Variants in STK33 observed in about 807,000 individuals in gnomAD.
STK33 encodes the protein serine/threonine-protein kinase 33.
Under a neutral mutation model 58.0 loss-of-function variants are expected in STK33, and 52 were observed. The ratio of observed to expected loss-of-function variants is 0.90; its 90% CI spans 0.72 to 1.13. The LOEUF is 1.13. Ranked by LOEUF, STK33 falls within the 50% of genes most tolerant of loss-of-function variation. STK33 has a pLI of 0.00. For missense variants in STK33, 630 were observed against 604.2 expected, an observed-to-expected ratio of 1.04 and a Z score of -0.45; for synonymous variants, 215 against 200.1, an observed-to-expected ratio of 1.07 and a Z score of -0.63.
chr11:8,475,072 G>C lies in STK33; in HGVS notation c.-161-6C>G, dbSNP rs972652855. 1.2e-5 allele frequency: 6 copies of C among 490,382 alleles called. No individual in the cohort carries two copies. The highest frequency in any genetic ancestry group is 1.0e-4 in the African/African-American group (5 of 49,848). The allele number at this position is 490,382 out of a possible 1,614,324, so 30.4% of individuals were successfully genotyped here. On this transcript the variant is annotated splice_polypyrimidine_tract_variant and splice_region_variant and intron_variant, in intron 4 of 15. Transcript: ENST00000687296. ...CACATATTCACACGTGAGAGCTGCA[G>C]AAAGAAAAGAAATAACCATTTAGAG...
At position 8,418,058 on chromosome 11, in the gene STK33, T is replaced by C. The variant is rs1375268585; in HGVS notation, c.1147-4366A>G. ...CAGGGACTATTTACAAAATAGTTTA[T>C]AGTTTGGGATATAATGCTGGCTTTT... On this transcript the variant is annotated intron_variant, in intron 14 of 15. Coordinates refer to ENST00000687296, the MANE Select transcript of STK33 (RefSeq NM_001352389.2). Among the ~76,000 whole-genome samples, 3 of 152,124 alleles carry C rather than the reference T, an allele frequency of 2.0e-5. No individual in the cohort carries two copies. In the East Asian group the frequency reaches 5.8e-4, roughly 29 times the overall value.
intron 14 of STK33, among the ~76,000 whole-genome samples, chr11:8,419,288 T>C (rs1042478991): frequency 6.6e-6 from 1 of 152,192 alleles, no homozygotes; most frequent in Non-Finnish European, 1.5e-5. Context: ...CCAGTTTTAA[T>C]CTTCTGCATA....
At chr11:8,454,601 GTGAAATTTTTA>G in intron 10 of STK33, 132 bp downstream of exon 10, 1 of 981,060 alleles carries the variant, frequency 1.0e-6, no homozygotes, top group Non-Finnish European at 1.4e-6. Flanking sequence ...ACAACCTCTT[GTGAAATTTTTA>G]TTTTTTAGCA....
At chr11:8,343,335 G>T in the STK33 span, among the ~76,000 whole-genome samples, 2 of 152,260 alleles carry the variant, frequency 1.3e-5, no homozygotes, top group Admixed American at 6.5e-5. Context: ...AGCACCGCTC[G>T]CTTTGTGAGG....
chr11:8,491,055 C>T (rs1023383984), intron 1 of STK33, among the ~76,000 whole-genome samples: 1 of 152,156 alleles, frequency 6.6e-6, no homozygotes, highest in Non-Finnish European at 1.5e-5. Context: ...ATTGCAGCTC[C>T]TCGCCAGTAA....
At chr11:8,376,897 A>G in the STK33 span, among the ~76,000 whole-genome samples, 12 of 152,092 alleles carry the variant, frequency 7.9e-5, no homozygotes, top group Non-Finnish European at 1.5e-4. Flanking sequence ...TTTGGCTCCA[A>G]CCATCCCTAG....
At chr11:8,532,824 G>T (rs917612767) in intron 1 of STK33, among the ~76,000 whole-genome samples, 1 of 152,168 alleles carries the variant, frequency 6.6e-6, no homozygotes, top group African/African-American at 2.4e-5. Context: ...TTCAAAATCT[G>T]TTGGATAACT....
chr11:8,562,078 C>T (rs1241015208), intron 1 of STK33, among the ~76,000 whole-genome samples: 2 of 152,112 alleles, frequency 1.3e-5, no homozygotes, highest in Admixed American at 6.5e-5. Context: ...ATTCTATGTT[C>T]CCCTTCAATT....
the STK33 span, among the ~76,000 whole-genome samples, chr11:8,382,306 T>C: frequency 6.6e-6 from 1 of 152,224 alleles, no homozygotes; most frequent in African/African-American, 2.4e-5. Flanking sequence ...GACCAGAGGC[T>C]GCACAGTCGC....
chr11:8,435,722 T>A (rs766805929), intron 13 of STK33, 143 bp from the exon 14 acceptor site: 3 of 467,130 alleles, frequency 6.4e-6, no homozygotes, highest in Non-Finnish European at 1.1e-5. Context: ...AAATGCCTAA[T>A]AAATATAGTT....
intron 1 of STK33, among the ~76,000 whole-genome samples, chr11:8,496,877 A>G (rs1951100686): frequency 6.6e-6 from 1 of 151,992 alleles, no homozygotes; most frequent in Admixed American, 6.6e-5. Context: ...CCCGGCTGAT[A>G]TTTCATTTTT....
chr11:8,438,378 C>T (rs1387289862), intron 12 of STK33, among the ~76,000 whole-genome samples: 1 of 152,162 alleles, frequency 6.6e-6, no homozygotes, highest in Non-Finnish European at 1.5e-5. Context: ...TTTACTTATG[C>T]TAACTTCACC....
the STK33 span, among the ~76,000 whole-genome samples, chr11:8,378,374 T>C: frequency 3.3e-5 from 5 of 152,210 alleles, no homozygotes; most frequent in East Asian, 1.9e-4. Context: ...CAAAATTAGC[T>C]GGGCATGGTG....
rs748009822 is a variant in STK33, at chr11:8,461,879, G to T, written c.484C>A (p.Arg162=). Residue 162 remains arginine, a synonymous_variant, in exon 8 of 16, where the codon CGA becomes AGA. Coordinates refer to ENST00000687296, the MANE Select transcript of STK33 (RefSeq NM_001352389.2). The part of the protein sequence containing the change: ...AGSSAVKLLE[R]EVNILKSVKH... ...ACACTTTTCAGAATGTTCACCTCTC[G>T]TTCAAGTAACTTCACAGCAGAGCTT... 6.3e-7 allele frequency: 1 copy of T among 1,598,040 alleles called. No individual in the cohort carries two copies. The highest frequency in any genetic ancestry group is 2.3e-5 in the East Asian group (1 of 43,420).
intron 6 of STK33, among the ~76,000 whole-genome samples, chr11:8,469,416 C>T (rs1379149826): frequency 2.0e-5 from 3 of 152,166 alleles, no homozygotes; most frequent in Non-Finnish European, 2.9e-5. Flanking sequence ...AAAAGTCAGT[C>T]CCATCTTCAG....
At chr11:8,461,242 C>T (rs991913669) in intron 8 of STK33, among the ~76,000 whole-genome samples, 1 of 152,188 alleles carries the variant, frequency 6.6e-6, no homozygotes, top group Admixed American at 6.5e-5. Context: ...AGCCCACAAG[C>T]ATTAAACTGT....
chr11:8,440,644 T>C, intron 12 of STK33, 34 bp downstream of exon 12: 1 of 1,514,334 alleles, frequency 6.6e-7, no homozygotes, highest in South Asian at 1.2e-5. Flanking sequence ...AACTATCCAC[T>C]CATCTTAAAG....
intron 7 of STK33, among the ~76,000 whole-genome samples, chr11:8,462,815 C>A (rs1947726258): frequency 6.6e-6 from 1 of 152,146 alleles, no homozygotes; most frequent in Non-Finnish European, 1.5e-5. Flanking sequence ...TCTCCACCCT[C>A]ACCATCACCG....
chr11:8,571,005 T>C (rs1957771973), intron 1 of STK33, among the ~76,000 whole-genome samples: 1 of 152,118 alleles, frequency 6.6e-6, no homozygotes, highest in African/African-American at 2.4e-5. Flanking sequence ...CATGATACAA[T>C]GGTTTTTGGA....
Sources: allele counts gnomAD v4.1 joint callset (sites outside exome capture counted in the v4.1 genomes callset), GRCh38; gene constraint gnomAD v4.1.1; transcripts MANE v1.5; gene names NCBI Gene and HGNC (gene_info 2026-07-23, HGNC 2026-07-21).